Variants in CCZ1B observed in about 807,000 individuals in gnomAD.
CCZ1B encodes the protein vacuolar fusion protein CCZ1 homolog B.
Under a neutral mutation model 58.8 loss-of-function variants are expected in CCZ1B, and 25 were observed. The observed-to-expected ratio is 0.43, with a 90% CI of 0.31 to 0.59. CCZ1B has a LOEUF of 0.59. CCZ1B is among the 20% of genes least tolerant of loss of function. The pLI is 0.12. For synonymous variants in CCZ1B, 66 were observed against 173.2 expected (o/e 0.38, Z 4.86); for missense variants, 180 against 501.5 (o/e 0.36, Z 6.12).
At chr7:6,813,356 CA>C (rs1782947130) in intron 8 of CCZ1B, among the ~76,000 whole-genome samples, 1 of 149,254 alleles carries the variant, frequency 6.7e-6, no homozygotes, top group Non-Finnish European at 1.5e-5. Flanking sequence ...GAGGCCAAGG[CA>C]GGCAGATTAC....
Position 6,814,837 on chromosome 7 carries a change from A to T in CCZ1B, c.707T>A (p.Leu236Ter). The change falls in exon 8 of 15, where the codon TTA becomes TAA. Residue 236 changes from leucine (L) to a stop codon, truncating the protein, a stop_gained. Coordinates refer to ENST00000316731, the MANE Select transcript of CCZ1B (RefSeq NM_198097.5). LOFTEE classifies it high-confidence loss of function. ...TAAAATTCTCATGTCATCTTGTTCT[A>T]ATCCACTCCTGCAACAACAGAAAAG... ...LYNDQLIWSGLEQDDMRILYK... is the reference protein window; with the variant it reads ...LYNDQLIWSG The T allele has an allele frequency of 1.2e-6, 2 of 1,604,106 alleles. No homozygotes were observed. The highest frequency in any genetic ancestry group is 1.7e-6 in the Non-Finnish European group (2 of 1,176,512).
intron 5 of CCZ1B, 71 bp downstream of exon 5, chr7:6,823,242 T>C (rs1783139126): frequency 1.3e-6 from 2 of 1,583,254 alleles, no homozygotes; most frequent in Non-Finnish European, 1.7e-6. Context: ...GACTTCTCTT[T>C]AAACAACCCT....
intron 7 of CCZ1B, 76 bp downstream of exon 7, chr7:6,819,690 C>T: frequency 1.2e-6 from 1 of 820,984 alleles, no homozygotes; most frequent in Non-Finnish European, 1.9e-6. Flanking sequence ...GTTTGACAAC[C>T]TGTCATCAAT....
Position 6,812,007 on chromosome 7 carries a change from T to G in CCZ1B, c.899A>C (p.Lys300Thr), listed in dbSNP as rs781455313. 1 of 1,582,784 alleles carries G rather than the reference T, an allele frequency of 6.3e-7. No homozygotes were observed. The highest frequency in any genetic ancestry group is 2.2e-5 in the East Asian group (1 of 44,846). Residue 300 changes from lysine to threonine, a missense_variant, in exon 10 of 15, where the codon AAA becomes ACA. Physicochemically the swap from Lys to Thr is moderately conservative, Grantham distance 78 (BLOSUM62 -1). Transcript: ENST00000316731. Reference protein sequence around the residue: ...NDPDAKCRFPKIFVNTDDTYE... With the variant: ...NDPDAKCRFPTIFVNTDDTYE... ...AGTGTCATCTGTATTTACAAAAATT[T>G]TGGGGAATCTGCATTTTGCATCTGG...
chr7:6,825,665 C>CACACACACACACA (rs1423276149), intron 1 of CCZ1B, among the ~76,000 whole-genome samples: 55 of 111,476 alleles, frequency 4.9e-4, no homozygotes, highest in South Asian at 3.9e-3. Flanking sequence ...ACACACACAC[C>CACACACACACACA]CCTCCCGAAA....
chr7:6,816,809 G>A (rs2115121664), intron 7 of CCZ1B, among the ~76,000 whole-genome samples: 1 of 151,936 alleles, frequency 6.6e-6, no homozygotes, highest in Admixed American at 6.5e-5. Context: ...CTGGAGTACA[G>A]TGGTGCTATC....
intron 7 of CCZ1B, among the ~76,000 whole-genome samples, chr7:6,816,846 A>G (rs1398467168): frequency 6.6e-6 from 1 of 151,616 alleles, no homozygotes; most frequent in Non-Finnish European, 1.5e-5. Flanking sequence ...TCAAACTTCC[A>G]GGCTCAAGTG....
rs865917819 is a variant in CCZ1B at position 6,816,207 on chromosome 7, C to T, written c.699-1362G>A. On this transcript the variant is annotated intron_variant, in intron 7 of 14. Transcript: ENST00000316731. ...GAAATACCGTGAAGGTGGTCGGGCG[C>T]GGAAGCTCACACCTGTAATCCCAGC... Among the ~76,000 whole-genome samples the T allele has an allele frequency of 4.0e-5, 6 of 148,666 alleles. No individual in the cohort carries two copies. The South Asian group carries it at 6.4e-4, about 16-fold the overall frequency.
chr7:6,810,556 G>A (rs1583551001), intron 10 of CCZ1B, among the ~76,000 whole-genome samples: 1 of 147,724 alleles, frequency 6.8e-6, no homozygotes, highest in Non-Finnish European at 1.5e-5. Flanking sequence ...GGGCTCAAGC[G>A]GTTCTCCTGC....
intron 7 of CCZ1B, among the ~76,000 whole-genome samples, chr7:6,818,859 AG>A (rs1330665131): frequency 2.0e-5 from 3 of 148,868 alleles, no homozygotes; most frequent in African/African-American, 5.1e-5. Context: ...CCCAGCTCTC[AG>A]GGGTCATATA....
intron 6 of CCZ1B, among the ~76,000 whole-genome samples, chr7:6,822,060 C>T (rs530826859): frequency 4.0e-5 from 6 of 149,588 alleles, no homozygotes; most frequent in African/African-American, 1.0e-4. Context: ...CCCGGGCAAA[C>T]GCAGGAAGCT....
rs897480782 is a variant in CCZ1B, at chr7:6,823,515, CT to C, written c.391-156del. Among the ~76,000 whole-genome samples the C allele has an allele frequency of 1.3e-3, 140 of 104,876 alleles. 1 individual carries two copies. Among genetic ancestry groups the C allele is most frequent in the East Asian group, 4.8e-3 (19 of 3,966 alleles). The allele number at this position is 104,876 out of a possible 152,430, so 68.8% of individuals were successfully genotyped here. On this transcript the variant is annotated intron_variant, in intron 4 of 14. Transcript: ENST00000316731. ...CGTGCTGAAAAAAAGTGTTTGCGTT[CT>C]TTTTTTTTTTTTTTTTTTTTGAGAT...
intron 7 of CCZ1B, among the ~76,000 whole-genome samples, chr7:6,815,761 GAA>G (rs761894411): frequency 6.8e-6 from 1 of 147,944 alleles, no homozygotes; most frequent in Admixed American, 6.7e-5. Flanking sequence ...CATTTGAGAT[GAA>G]AAAAAAAGTC....
chr7:6,809,864 T>TACCG (rs2115114960), intron 10 of CCZ1B, among the ~76,000 whole-genome samples: 1 of 145,664 alleles, frequency 6.9e-6, no homozygotes, highest in African/African-American at 2.6e-5. Flanking sequence ...GATTTCCTTG[T>TACCG]ACCGTCTCAC....
chr7:6,822,103 A>G (rs112222523), intron 6 of CCZ1B, among the ~76,000 whole-genome samples, 178 bp downstream of exon 6: 4 of 149,562 alleles, frequency 2.7e-5, no homozygotes, highest in African/African-American at 1.0e-4. Flanking sequence ...GGAAGGTTCC[A>G]GAGCACACGC....
At chr7:6,824,296 T>C (rs536080784) in intron 3 of CCZ1B, 130 bp from the exon 4 acceptor site, 1 of 1,501,792 alleles carries the variant, frequency 6.7e-7, no homozygotes, top group South Asian at 1.3e-5. Flanking sequence ...CAAGAATGAA[T>C]AAAGCAAATA....
intron 14 of CCZ1B, among the ~76,000 whole-genome samples, chr7:6,800,717 T>A (rs1352750078): frequency 2.1e-5 from 3 of 143,824 alleles, no homozygotes; most frequent in African/African-American, 5.3e-5. Context: ...TTTTTTTTTT[T>A]AGAATTGTAG....
intron 5 of CCZ1B, 64 bp from the exon 6 acceptor site, chr7:6,822,428 A>T (rs1481457197): frequency 5.8e-6 from 9 of 1,547,244 alleles, no homozygotes; most frequent in Non-Finnish European, 6.9e-6. Context: ...TCAGTATAAC[A>T]AGTTCTTTTT....
intron 14 of CCZ1B, among the ~76,000 whole-genome samples, chr7:6,800,717 T>C (rs1352750078): frequency 7.0e-6 from 1 of 143,826 alleles, no homozygotes. Flanking sequence ...TTTTTTTTTT[T>C]AGAATTGTAG....
Sources: gnomAD v4.1 joint callset for allele counts (sites outside exome capture counted in the v4.1 genomes callset) on GRCh38, gnomAD v4.1.1 for gene constraint, MANE v1.5 for transcripts, NCBI Gene and HGNC (gene_info 2026-07-23, HGNC 2026-07-21) for gene names.